Variants in KCNG3 observed in about 807,000 individuals in gnomAD.
The protein encoded by KCNG3 is potassium voltage-gated channel modifier subfamily G member 3.
A neutral mutation model predicts 29.0 loss-of-function variants in KCNG3; 15 were observed. The ratio of observed to expected loss-of-function variants is 0.52; its 90% CI spans 0.35 to 0.80. The LOEUF is 0.80. Ranked by LOEUF, KCNG3 falls within the 30% of genes least tolerant of loss-of-function variation. The pLI, the probability that KCNG3 is intolerant of heterozygous loss-of-function variation, is 0.01. For synonymous variants in KCNG3, 322 were observed against 248.9 expected, an observed-to-expected ratio of 1.29 and a Z score of -2.76; for missense variants, 512 against 605.7, an observed-to-expected ratio of 0.85 and a Z score of 1.62.
chr2:42,474,569 AAT>A (rs1326053980), intron 1 of KCNG3, among the ~76,000 whole-genome samples: 1 of 152,108 alleles, frequency 6.6e-6, no homozygotes, highest in Non-Finnish European at 1.5e-5. Flanking sequence ...TATGAATCTA[AAT>A]ATTATGTTTT....
At chr2:42,413,152 A>G in the KCNG3 span, among the ~76,000 whole-genome samples, 1 of 152,186 alleles carries the variant, frequency 6.6e-6, no homozygotes, top group Non-Finnish European at 1.5e-5. Flanking sequence ...GGTGTGTGCC[A>G]CCATGCCTGG....
At chr2:42,474,839 GA>G (rs1673382549) in intron 1 of KCNG3, among the ~76,000 whole-genome samples, 2 of 152,112 alleles carry the variant, frequency 1.3e-5, no homozygotes, top group African/African-American at 4.8e-5. Context: ...ACATAAAGGG[GA>G]ATTCTTTTGT....
At chr2:42,471,639 G>A (rs1170781241) in intron 1 of KCNG3, among the ~76,000 whole-genome samples, 2 of 152,142 alleles carry the variant, frequency 1.3e-5, no homozygotes, top group East Asian at 3.9e-4. Context: ...TTTGTTACAT[G>A]GATTATATCT....
Position 42,444,012 on chromosome 2 carries a change from G to A in KCNG3, c.1233C>T (p.Ser411=), listed in dbSNP as rs1410043951. 1.9e-6 allele frequency: 3 copies of A among 1,614,150 alleles called. No individual in the cohort carries two copies. Among genetic ancestry groups the A allele is most frequent in the Admixed American group, 3.3e-5 (2 of 60,026 alleles). ...LALPITFIYH[S]FVQCYHELKF... Reference sequence around the variant, plus strand: ...TGAGCTCATGATAACACTGCACAAAGCTATGGTAGATAAAAGTGATAGGTA... The same window carrying A: ...TGAGCTCATGATAACACTGCACAAAACTATGGTAGATAAAAGTGATAGGTA... The change falls in exon 2 of 2, where the codon AGC becomes AGT. Residue 411 remains serine (S), a synonymous_variant. Coordinates refer to ENST00000306078, the MANE Select transcript of KCNG3 (RefSeq NM_133329.6). This position sits in a 1 kb window ranked among gnomAD's most constrained non-coding sequence, Gnocchi z 5.8.
rs1183069712 is a variant in KCNG3, at chr2:42,442,749, T to TTTTA, written c.*1181_*1184dup. The TTTTA allele has an allele frequency of 2.0e-5, 3 of 152,224 alleles. No individual in the cohort carries two copies. Among genetic ancestry groups the TTTTA allele is most frequent in the African/African-American group, 4.8e-5 (2 of 41,464 alleles). 9.4% of individuals were successfully genotyped at this position (152,224 alleles called of 1,614,324 possible). ...AATTTAGTTACTAAACAATCATCAC[T>TTTTA]TTTACATTATCTAGTCCTAATAATC... is the stretch of plus-strand genomic sequence containing the variant. On this transcript the variant is annotated 3_prime_UTR_variant, in exon 2 of 2. Coordinates refer to ENST00000306078, the MANE Select transcript of KCNG3 (RefSeq NM_133329.6).
At chr2:42,459,090 G>A (rs1023023533) in intron 1 of KCNG3, among the ~76,000 whole-genome samples, 1 of 151,918 alleles carries the variant, frequency 6.6e-6, no homozygotes, top group African/African-American at 2.4e-5. Flanking sequence ...CAGATACTCG[G>A]GAGGCTTAGG....
chr2:42,465,969 G>C (rs538187212), intron 1 of KCNG3, among the ~76,000 whole-genome samples: 1 of 152,098 alleles, frequency 6.6e-6, no homozygotes, highest in Non-Finnish European at 1.5e-5. Flanking sequence ...ATAACACCAA[G>C]TTTGTGAAGT....
intron 1 of KCNG3, among the ~76,000 whole-genome samples, chr2:42,492,476 G>A (rs183606747): frequency 6.6e-6 from 1 of 152,312 alleles, no homozygotes; most frequent in East Asian, 1.9e-4. Flanking sequence ...TTAGTTCAAG[G>A]CTTAATTGTT....
At chr2:42,452,243 A>ATACATATATATATTTT in intron 1 of KCNG3, among the ~76,000 whole-genome samples, 1 of 95,066 alleles carries the variant, frequency 1.1e-5, no homozygotes, top group Non-Finnish European at 2.1e-5. Flanking sequence ...ATATATATAT[A>ATACATATATATATTTT]TTTTTTTTTT....
chr2:42,476,996 TA>T (rs1673442197), intron 1 of KCNG3, among the ~76,000 whole-genome samples: 1 of 143,572 alleles, frequency 7.0e-6, no homozygotes, highest in African/African-American at 2.6e-5. Flanking sequence ...CCATCCTGGC[TA>T]ACACGGTGAA....
At chr2:42,388,942 G>C in the KCNG3 span, among the ~76,000 whole-genome samples, 2 of 151,982 alleles carry the variant, frequency 1.3e-5, no homozygotes. Flanking sequence ...ATTTGAGAGG[G>C]AGTCTCGCCC....
At chr2:42,424,851 C>T in the KCNG3 span, 1 of 152,250 alleles carries the variant, frequency 6.6e-6, no homozygotes, top group Non-Finnish European at 1.5e-5. Flanking sequence ...GACTGCTTCA[C>T]ATCTCAGTCA....
chr2:42,442,687 C>G lies in KCNG3; in HGVS notation c.*1247G>C, dbSNP rs1022878041. 6.6e-6 allele frequency: 1 copy of G among 152,146 alleles called. No homozygotes were observed. The highest frequency in any genetic ancestry group is 6.6e-5 in the Admixed American group (1 of 15,264). The allele number at this position is 152,146 out of a possible 1,614,324, so 9.4% of individuals were successfully genotyped here. A position where few individuals can be genotyped will look rare whatever the true frequency, so the allele number is the denominator to read the frequency against. ...ATATACACTAACTTCTTTATGGTAA[C>G]TGGTTGAAAAAGCAAAATTCTAATT... On this transcript the variant is annotated 3_prime_UTR_variant, in exon 2 of 2. Coordinates refer to ENST00000306078, the MANE Select transcript of KCNG3 (RefSeq NM_133329.6).
At chr2:42,445,022 G>A (rs1672565755) in intron 1 of KCNG3, among the ~76,000 whole-genome samples, 1 of 148,514 alleles carries the variant, frequency 6.7e-6, no homozygotes, top group Non-Finnish European at 1.5e-5. Flanking sequence ...AGCCATGACT[G>A]TGCCACTGCA....
chr2:42,461,529 C>T (rs1434868897), intron 1 of KCNG3, among the ~76,000 whole-genome samples: 1 of 152,152 alleles, frequency 6.6e-6, no homozygotes, highest in Non-Finnish European at 1.5e-5. Flanking sequence ...GTGGTTCTGA[C>T]TCTCACTGCT....
the KCNG3 span, among the ~76,000 whole-genome samples, chr2:42,404,594 T>C: frequency 6.6e-6 from 1 of 152,038 alleles, no homozygotes; most frequent in Admixed American, 6.6e-5. Flanking sequence ...CCGGGCGTCG[T>C]GGCACACACC....
chr2:42,422,012 GA>G, the KCNG3 span, among the ~76,000 whole-genome samples: 1 of 152,160 alleles, frequency 6.6e-6, no homozygotes, highest in African/African-American at 2.4e-5. Context: ...GTTGCATTAA[GA>G]AAATAATGTA....
intron 1 of KCNG3, among the ~76,000 whole-genome samples, chr2:42,453,653 T>C (rs1672815330): frequency 6.6e-6 from 1 of 152,188 alleles, no homozygotes; most frequent in Non-Finnish European, 1.5e-5. Flanking sequence ...TCCCATTCTG[T>C]GGGTTGTCTC....
At chr2:42,416,771 T>A in the KCNG3 span, among the ~76,000 whole-genome samples, 5 of 150,516 alleles carry the variant, frequency 3.3e-5, no homozygotes, top group Admixed American at 1.3e-4. Context: ...CGAGCCGAGA[T>A]TGCGCCACTG....
Sources: gnomAD v4.1 joint callset for allele counts (sites outside exome capture counted in the v4.1 genomes callset) on GRCh38, gnomAD v4.1.1 for gene constraint, Gnocchi (gnomAD v3.1) non-coding constraint, MANE v1.5 for transcripts, NCBI Gene and HGNC (gene_info 2026-07-23, HGNC 2026-07-21) for gene names.